PRUNE2: variants seen among roughly 807,000 people sequenced by gnomAD.
PRUNE2 encodes prune homolog 2 with BCH domain, also known as protein prune homolog 2.
In PRUNE2, 164 loss-of-function variants were observed where a neutral mutation model predicts 252.0. The ratio of observed to expected loss-of-function variants is 0.65; its 90% CI spans 0.57 to 0.74. The LOEUF is 0.74. Among genes scored for constraint, PRUNE2 ranks in the 30% least tolerant of loss-of-function variants. The pLI is 0.00. For synonymous variants in PRUNE2, 1,292 were observed against 1,350.2 expected, an observed-to-expected ratio of 0.96 and a Z score of 0.94; for missense variants, 3,495 against 3,711.0, an observed-to-expected ratio of 0.94 and a Z score of 1.51.
chr9:76,626,823 T>C (rs1293029512), intron 16 of PRUNE2, among the ~76,000 whole-genome samples: 3 of 152,206 alleles, frequency 2.0e-5, no homozygotes, highest in African/African-American at 7.2e-5. Flanking sequence ...TGCAACTTAC[T>C]TCCTTACTTT....
intron 1 of PRUNE2, chr9:76,863,299 T>G (rs2060653805): frequency 6.6e-6 from 1 of 152,184 alleles, no homozygotes; most frequent in African/African-American, 2.4e-5. Context: ...AAACCTTGTG[T>G]ATTTGAACAT....
At chr9:76,780,899 T>C (rs1290477218) in intron 6 of PRUNE2, among the ~76,000 whole-genome samples, 4 of 152,158 alleles carry the variant, frequency 2.6e-5, no homozygotes, top group African/African-American at 9.7e-5. Context: ...AGGGTGTGCC[T>C]GCAACCCTCA....
intron 2 of PRUNE2, 101 bp downstream of exon 2, chr9:76,854,003 A>G: frequency 1.7e-6 from 1 of 575,598 alleles, no homozygotes; most frequent in Non-Finnish European, 3.0e-6. Flanking sequence ...TCAGAACATT[A>G]AAAATTAAGT....
Position 76,717,117 on chromosome 9 carries a change from T to C in PRUNE2, c.757-3396A>G, listed in dbSNP as rs955846721. On this transcript the variant is annotated intron_variant, in intron 6 of 18. Coordinates refer to ENST00000376718, the MANE Select transcript of PRUNE2 (RefSeq NM_015225.3). Reference sequence around the variant, plus strand: ...AAGCACTGATAAATCAAAAAACTATTTGAATCACCTAGGCAAGTTAGAGAA... The same window carrying C: ...AAGCACTGATAAATCAAAAAACTATCTGAATCACCTAGGCAAGTTAGAGAA... 3.3e-5 allele frequency among the ~76,000 whole-genome samples: 5 copies of C among 152,242 alleles called. No homozygotes were observed. In the East Asian group the frequency reaches 5.8e-4, roughly 18 times the overall value.
At chr9:76,830,290 T>C (rs996186907) in intron 4 of PRUNE2, among the ~76,000 whole-genome samples, 5 of 152,156 alleles carry the variant, frequency 3.3e-5, no homozygotes, top group African/African-American at 1.2e-4. Context: ...GCTGTAGCAA[T>C]ATTTGAAAAG....
At chr9:76,767,134 G>A (rs1237156069) in intron 6 of PRUNE2, among the ~76,000 whole-genome samples, 1 of 152,072 alleles carries the variant, frequency 6.6e-6, no homozygotes, top group African/African-American at 2.4e-5. Context: ...AACTATTGTT[G>A]GCAGTCACCA....
At chr9:76,644,688 T>A in intron 12 of PRUNE2, 51 bp downstream of exon 12, 1 of 1,567,172 alleles carries the variant, frequency 6.4e-7, no homozygotes, top group Non-Finnish European at 8.8e-7. Context: ...TGATTTTAAA[T>A]AAAATGGCTG....
At chr9:76,807,126 C>T (rs1032574243) in intron 6 of PRUNE2, among the ~76,000 whole-genome samples, 1 of 151,536 alleles carries the variant, frequency 6.6e-6, no homozygotes, top group Admixed American at 6.6e-5. Flanking sequence ...TGCTGGAGTG[C>T]AATGGCATAC....
In PRUNE2 at chr9:76,710,975, A is replaced by C; in HGVS notation, c.1299T>G (p.Ile433Met). 3 of 1,608,718 alleles carry C rather than the reference A, an allele frequency of 1.9e-6. No homozygotes were observed. The highest frequency in any genetic ancestry group is 2.5e-6 in the Non-Finnish European group (3 of 1,177,168). The change falls in exon 8 of 19, where the codon ATT becomes ATG. Residue 433 changes from isoleucine (I) to methionine (M), a missense_variant. Physicochemically the swap from Ile to Met is conservative, Grantham distance 10. Transcript: ENST00000376718. ...TCTCCTTGGATGAGCGGCTGCTCCT[A>C]ATGGTAGCCAGTCCGCTGTCTGGGC... ...LVSPDSGLAT[I>M]RSSRSSKESS...
chr9:76,905,866 T>C (rs1343975173), intron 1 of PRUNE2, 62 bp downstream of exon 1: 11 of 1,605,182 alleles, frequency 6.9e-6, no homozygotes, highest in Non-Finnish European at 9.4e-6. Flanking sequence ...CACCTTTTCC[T>C]CTCCACCTTT....
At chr9:76,622,321 A>G (rs1832735467) in intron 17 of PRUNE2, among the ~76,000 whole-genome samples, 1 of 152,118 alleles carries the variant, frequency 6.6e-6, no homozygotes, top group Admixed American at 6.6e-5. Flanking sequence ...TGTGAGAGAA[A>G]AAAGAGAAAG....
chr9:76,826,254 AC>A (rs1222300570), intron 5 of PRUNE2, among the ~76,000 whole-genome samples: 2 of 152,110 alleles, frequency 1.3e-5, no homozygotes, highest in Non-Finnish European at 2.9e-5. Flanking sequence ...CAGGTGGATG[AC>A]TTGAGGCCAG....
intron 5 of PRUNE2, among the ~76,000 whole-genome samples, chr9:76,824,274 G>T (rs7341766): frequency 0.018 from 2,738 of 152,194 alleles, 83 homozygotes; most frequent in African/African-American, 0.063. Context: ...GCAGACAAAG[G>T]CAGGGAATAA....
intron 6 of PRUNE2, among the ~76,000 whole-genome samples, chr9:76,787,731 C>A (rs2055141626): frequency 6.6e-6 from 1 of 152,270 alleles, no homozygotes; most frequent in East Asian, 1.9e-4. Flanking sequence ...GCAGCTTCAA[C>A]CTGGCCTGTT....
intron 9 of PRUNE2, among the ~76,000 whole-genome samples, chr9:76,698,947 C>T (rs1265581834): frequency 2.0e-5 from 3 of 152,128 alleles, no homozygotes; most frequent in East Asian, 3.8e-4. Flanking sequence ...AAACAAGATA[C>T]AGCTCCACAA....
At chr9:76,893,236 CCCTGGTT>C (rs142430938) in intron 1 of PRUNE2, among the ~76,000 whole-genome samples, 5,784 of 152,178 alleles carry the variant, frequency 0.038, 394 homozygotes, top group African/African-American at 0.13. Flanking sequence ...CAGAAGGAGA[CCCTGGTT>C]CTAAAAACAA....
rs113839651 is a variant in PRUNE2, at chr9:76,834,362, C to T, written c.509-7630G>A. On this transcript the variant is annotated intron_variant, in intron 4 of 18. Coordinates refer to ENST00000376718, the MANE Select transcript of PRUNE2 (RefSeq NM_015225.3). ...AAAGCTCAAAGAATCTACAAATGAA[C>T]TCAGGATAGTCAGTAAATTTAGCAA... Among the ~76,000 whole-genome samples the T allele has an allele frequency of 2.5e-3, 383 of 152,274 alleles. 1 individual carries two copies. Among genetic ancestry groups the T allele is most frequent in the Middle Eastern group, 0.024 (7 of 294 alleles).
At chr9:76,745,801 C>T (rs1294147535) in intron 6 of PRUNE2, among the ~76,000 whole-genome samples, 1 of 152,322 alleles carries the variant, frequency 6.6e-6, no homozygotes, top group South Asian at 2.1e-4. Flanking sequence ...ACCCACTGGA[C>T]AGTCACACTA....
At chr9:76,769,521 G>A (rs909400137) in intron 6 of PRUNE2, among the ~76,000 whole-genome samples, 1 of 152,140 alleles carries the variant, frequency 6.6e-6, no homozygotes, top group Admixed American at 6.5e-5. Context: ...CGCCCCCCGG[G>A]TTCAAGTGAT....
Sources: allele counts gnomAD v4.1 joint callset (sites outside exome capture counted in the v4.1 genomes callset), GRCh38; gene constraint gnomAD v4.1.1; transcripts MANE v1.5; gene names NCBI Gene and HGNC (gene_info 2026-07-23, HGNC 2026-07-21).